GLDC: variants seen among roughly 807,000 people sequenced by gnomAD.
GLDC encodes glycine decarboxylase.
A neutral mutation model predicts 121.3 loss-of-function variants in GLDC; 104 were observed. That is an observed-to-expected ratio of 0.86 (90% CI 0.73 to 1.01). GLDC has a LOEUF of 1.01. Among genes scored for constraint, GLDC ranks in the 50% least tolerant of loss-of-function variants. The pLI is 0.00. For missense variants in GLDC, 1,429 were observed against 1,306.6 expected (o/e 1.09, Z -1.44); for synonymous variants, 546 against 480.6 (o/e 1.14, Z -1.78).
intron 21 of GLDC, among the ~76,000 whole-genome samples, chr9:6,549,502 C>T (rs1817465424): frequency 6.6e-6 from 1 of 152,118 alleles, no homozygotes; most frequent in African/African-American, 2.4e-5. Context: ...GTGGAGTGCC[C>T]CTCACCAGGC....
At chr9:6,591,069 G>C (rs577591404) in intron 11 of GLDC, among the ~76,000 whole-genome samples, 5 of 152,152 alleles carry the variant, frequency 3.3e-5, no homozygotes, top group Non-Finnish European at 7.4e-5. Context: ...CTTGCCACAG[G>C]TCTAGGTAGC....
chr9:6,619,029 G>A (rs1361965391), intron 3 of GLDC, among the ~76,000 whole-genome samples: 2 of 151,650 alleles, frequency 1.3e-5, no homozygotes, highest in Non-Finnish European at 2.9e-5. Context: ...TGTAATCCCA[G>A]CTACTCGGGA....
At chr9:6,594,951 C>T in intron 9 of GLDC, 63 bp downstream of exon 9, 1 of 1,009,646 alleles carries the variant, frequency 9.9e-7, no homozygotes, top group Non-Finnish European at 1.6e-6. Context: ...GCAATATTTT[C>T]AATTTTACTC....
intron 2 of GLDC, among the ~76,000 whole-genome samples, chr9:6,629,070 T>C (rs1404614751): frequency 6.6e-6 from 1 of 151,878 alleles, no homozygotes; most frequent in South Asian, 2.1e-4. Context: ...GAATTTAGAA[T>C]GAATGCTTCC....
At chr9:6,595,198 C>G in intron 8 of GLDC, 79 bp from the exon 9 acceptor site, 1 of 951,226 alleles carries the variant, frequency 1.1e-6, no homozygotes, top group South Asian at 1.3e-5. Flanking sequence ...CTTGGGATGT[C>G]AAAACTGAAG....
intron 5 of GLDC, among the ~76,000 whole-genome samples, chr9:6,605,538 G>A: frequency 6.6e-6 from 1 of 152,090 alleles, no homozygotes; most frequent in East Asian, 1.9e-4. Flanking sequence ...CTACTCCTCA[G>A]AGAGGCCCAA....
intron 21 of GLDC, 53 bp downstream of exon 21, chr9:6,550,750 T>C (rs2129704925): frequency 1.8e-6 from 2 of 1,116,852 alleles, no homozygotes; most frequent in East Asian, 2.3e-5. Flanking sequence ...AGGTCAAACT[T>C]AGTTTGGCCA....
At chr9:6,635,925 G>GATA (rs1482344258) in intron 2 of GLDC, among the ~76,000 whole-genome samples, 1 of 151,980 alleles carries the variant, frequency 6.6e-6, no homozygotes, top group African/African-American at 2.4e-5. Context: ...AAATAAAAAT[G>GATA]ATAATAATGA....
At chr9:6,546,325 T>TG (rs1817387974) in intron 21 of GLDC, among the ~76,000 whole-genome samples, 1 of 151,634 alleles carries the variant, frequency 6.6e-6, no homozygotes, top group African/African-American at 2.4e-5. Flanking sequence ...TCCAAGTAGC[T>TG]GGGACTACAG....
At chr9:6,544,197 C>G (rs1318355818) in intron 21 of GLDC, among the ~76,000 whole-genome samples, 1 of 152,156 alleles carries the variant, frequency 6.6e-6, no homozygotes, top group Non-Finnish European at 1.5e-5. Flanking sequence ...AGAATCAAAC[C>G]TCCCGGCTGT....
chr9:6,561,815 G>C (rs939006376), intron 16 of GLDC, among the ~76,000 whole-genome samples: 1 of 152,142 alleles, frequency 6.6e-6, no homozygotes, highest in Non-Finnish European at 1.5e-5. Context: ...AATAGCATGA[G>C]GTCATCTTTA....
intron 3 of GLDC, among the ~76,000 whole-genome samples, chr9:6,611,431 C>T (rs1818852391): frequency 6.6e-6 from 1 of 152,154 alleles, no homozygotes; most frequent in South Asian, 2.1e-4. Flanking sequence ...TGGCACGTGC[C>T]TGTAGTCCCA....
At chr9:6,537,189 C>T (rs939158224) in intron 22 of GLDC, among the ~76,000 whole-genome samples, 2 of 152,110 alleles carry the variant, frequency 1.3e-5, no homozygotes, top group Admixed American at 6.5e-5. Flanking sequence ...CGCCACCATG[C>T]CCAGCTAATT....
At chr9:6,552,836 G>T (rs1195146924) in intron 20 of GLDC, among the ~76,000 whole-genome samples, 1 of 152,072 alleles carries the variant, frequency 6.6e-6, no homozygotes, top group East Asian at 1.9e-4. Context: ...GACTAATTAC[G>T]CAGAGAGCAC....
At chr9:6,628,589 G>A (rs999077373) in intron 2 of GLDC, among the ~76,000 whole-genome samples, 1 of 152,190 alleles carries the variant, frequency 6.6e-6, no homozygotes, top group Non-Finnish European at 1.5e-5. Context: ...CCAGGAGTTC[G>A]AGCCTGACCA....
chr9:6,554,335 C>T (rs1322367639), intron 19 of GLDC, among the ~76,000 whole-genome samples: 1 of 152,116 alleles, frequency 6.6e-6, no homozygotes, highest in Non-Finnish European at 1.5e-5. Flanking sequence ...ATCCAAAAGT[C>T]CGAAAGGCAC....
intron 21 of GLDC, among the ~76,000 whole-genome samples, chr9:6,547,528 T>C (rs780827683): frequency 7.2e-5 from 11 of 152,188 alleles, no homozygotes; most frequent in Non-Finnish European, 1.3e-4. Context: ...GTGAGATAAA[T>C]TGGCACAAAG....
intron 11 of GLDC, among the ~76,000 whole-genome samples, chr9:6,591,441 A>C (rs998267973): frequency 2.0e-5 from 3 of 152,132 alleles, no homozygotes; most frequent in Middle Eastern, 3.2e-3. Context: ...TGTCTAATTC[A>C]CCACTGTGTC....
chr9:6,610,299 T>G lies in GLDC; in HGVS notation c.528A>C (p.Leu176Phe), dbSNP rs757566503. ...PEVSQGRLESLLNYQTMVCDI... is the reference protein window; with the variant it reads ...PEVSQGRLESFLNYQTMVCDI... ...CACACACCATGGTCTGGTAGTTGAG[T>G]AAACTCTCCAGCCTCCCCTGAGACA... Residue 176 changes from leucine (L) to phenylalanine (F), a missense_variant, in exon 4 of 25, where the codon TTA becomes TTC. Coordinates refer to ENST00000321612, the MANE Select transcript of GLDC (RefSeq NM_000170.3). 12 of 1,613,600 alleles carry G rather than the reference T, an allele frequency of 7.4e-6. No homozygotes were observed. Among genetic ancestry groups the G allele is most frequent in the Non-Finnish European group, 1.0e-5 (12 of 1,179,726 alleles).
Sources: gnomAD v4.1 joint callset for allele counts (sites outside exome capture counted in the v4.1 genomes callset) on GRCh38, gnomAD v4.1.1 for gene constraint, MANE v1.5 for transcripts, NCBI Gene and HGNC (gene_info 2026-07-23, HGNC 2026-07-21) for gene names.